PRKD1: variants seen among roughly 807,000 people sequenced by gnomAD.
The protein encoded by PRKD1 is protein kinase D1.
Under a neutral mutation model 95.9 loss-of-function variants are expected in PRKD1, and 63 were observed. The ratio of observed to expected loss-of-function variants is 0.66; its 90% confidence interval spans 0.54 to 0.81. The LOEUF is 0.81. Ranked by LOEUF, PRKD1 falls within the 30% of genes least tolerant of loss-of-function variation. The pLI is 0.00. For missense variants in PRKD1, 1,048 were observed against 1,165.3 expected (o/e 0.90, Z 1.47); for synonymous variants, 425 against 423.1 (o/e 1.00, Z -0.05).
At chr14:29,578,053 T>C (rs956779241) in intron 17 of PRKD1, among the ~76,000 whole-genome samples, 2 of 152,068 alleles carry the variant, frequency 1.3e-5, no homozygotes, top group Admixed American at 6.6e-5. Flanking sequence ...TGTGTGTGTA[T>C]ATGCGTGCGT....
chr14:29,675,773 T>G (rs1296381771), intron 2 of PRKD1, among the ~76,000 whole-genome samples: 1 of 151,880 alleles, frequency 6.6e-6, no homozygotes, highest in Admixed American at 6.6e-5. Context: ...ATGTGGCACA[T>G]ATACACCATG....
rs575018038 is a variant in PRKD1, at chr14:29,908,395, G to A, written c.264+18854C>T. Among the ~76,000 whole-genome samples, 9 of 152,266 alleles carry A rather than the reference G, an allele frequency of 5.9e-5. No homozygotes were observed. In the East Asian group the frequency reaches 1.7e-3, roughly 29 times the overall value. On this transcript the variant is annotated intron_variant, in intron 1 of 17. Transcript: ENST00000331968. ...CGCGACCTCCACCTCCCAGGTTCAA[G>A]AGATTCTTCTGCCTCAGCCTCCCAA...
intron 1 of PRKD1, among the ~76,000 whole-genome samples, chr14:29,744,929 G>A (rs1462826030): frequency 6.6e-6 from 1 of 152,120 alleles, no homozygotes; most frequent in Non-Finnish European, 1.5e-5. Context: ...AAGTCAACCA[G>A]AGCTCATAGG....
intron 1 of PRKD1, 51 bp downstream of exon 1, chr14:29,927,198 G>C: frequency 1.4e-6 from 2 of 1,431,558 alleles, no homozygotes; most frequent in Non-Finnish European, 1.8e-6. Context: ...GCCGGGCAGC[G>C]CCCCCTGCGC....
At chr14:29,716,839 A>C (rs922072141) in intron 2 of PRKD1, among the ~76,000 whole-genome samples, 3 of 152,188 alleles carry the variant, frequency 2.0e-5, no homozygotes, top group South Asian at 2.1e-4. Context: ...GAATCATAGA[A>C]ATTAGGAAAA....
chr14:29,646,466 T>C (rs1315163524), intron 4 of PRKD1, among the ~76,000 whole-genome samples: 1 of 152,126 alleles, frequency 6.6e-6, no homozygotes, highest in Non-Finnish European at 1.5e-5. Context: ...TATTAAATAC[T>C]GCATGCCTGT....
chr14:29,888,268 G>C (rs1417146161), intron 1 of PRKD1, among the ~76,000 whole-genome samples: 2 of 151,786 alleles, frequency 1.3e-5, no homozygotes, highest in Admixed American at 1.3e-4. Context: ...CTCCAGCCTG[G>C]GTGACAGAGC....
chr14:29,754,277 T>A (rs1384345766), intron 1 of PRKD1, among the ~76,000 whole-genome samples: 1 of 152,206 alleles, frequency 6.6e-6, no homozygotes, highest in African/African-American at 2.4e-5. Context: ...TCCATCCATT[T>A]AATCACATGC....
chr14:29,833,631 C>T (rs1008753017), intron 1 of PRKD1, among the ~76,000 whole-genome samples: 4 of 152,104 alleles, frequency 2.6e-5, no homozygotes, highest in Admixed American at 6.5e-5. Context: ...AATTGAACAG[C>T]CTTTCCTTTC....
chr14:29,774,855 T>C (rs983304028), intron 1 of PRKD1, among the ~76,000 whole-genome samples: 1 of 152,160 alleles, frequency 6.6e-6, no homozygotes, highest in African/African-American at 2.4e-5. Context: ...GTGATTTGCA[T>C]TCTTCCACAG....
intron 2 of PRKD1, among the ~76,000 whole-genome samples, chr14:29,706,193 GA>G (rs1885080956): frequency 6.6e-6 from 1 of 152,056 alleles, no homozygotes; most frequent in Non-Finnish European, 1.5e-5. Context: ...TCCTAATGAC[GA>G]ATGATGCTGA....
At chr14:29,800,929 C>A (rs1459233537) in intron 1 of PRKD1, among the ~76,000 whole-genome samples, 1 of 152,120 alleles carries the variant, frequency 6.6e-6, no homozygotes, top group East Asian at 1.9e-4. Context: ...ATGGTATATA[C>A]ATTTTAAACT....
At chr14:29,863,473 T>C (rs1442976631) in intron 1 of PRKD1, among the ~76,000 whole-genome samples, 1 of 152,142 alleles carries the variant, frequency 6.6e-6, no homozygotes, top group Non-Finnish European at 1.5e-5. Flanking sequence ...TCAACTCTAG[T>C]TTTTCCTTTC....
chr14:29,690,914 G>A (rs1320825310), intron 2 of PRKD1, among the ~76,000 whole-genome samples: 4 of 151,852 alleles, frequency 2.6e-5, no homozygotes, highest in African/African-American at 7.3e-5. Context: ...TTTCTCTTCC[G>A]TGTAGATAAA....
Position 29,624,251 on chromosome 14 carries a change from A to G in PRKD1, c.1806T>C (p.His602=), listed in dbSNP as rs761136920. ...GQFGIVYGGK[H]RKTGRDVAIK... ...TAGCTACATCTCTTCCTGTTTTACG[A>G]TGTTTTCCTTTAAAATGAAAAAGGG... Residue 602 remains histidine, a synonymous_variant, in exon 13 of 18, where the codon CAT becomes CAC. Coordinates refer to ENST00000331968, the MANE Select transcript of PRKD1 (RefSeq NM_002742.3). 3 of 1,596,812 alleles carry G rather than the reference A, an allele frequency of 1.9e-6. No homozygotes were observed. Among genetic ancestry groups the G allele is most frequent in the South Asian group, 1.1e-5 (1 of 87,768 alleles).
intron 1 of PRKD1, among the ~76,000 whole-genome samples, chr14:29,891,567 G>T (rs1226321222): frequency 6.6e-6 from 1 of 151,830 alleles, no homozygotes; most frequent in Non-Finnish European, 1.5e-5. Flanking sequence ...TTTTCTGGTG[G>T]CTCTAACTGA....
At chr14:29,623,731 T>C (rs1052625881) in intron 13 of PRKD1, among the ~76,000 whole-genome samples, 26 of 152,178 alleles carry the variant, frequency 1.7e-4, no homozygotes, top group African/African-American at 5.3e-4. Context: ...ATTAATAAAA[T>C]CAACATGATC....
rs45616739 is a variant in PRKD1 at position 29,868,862 on chromosome 14, A to G, written c.264+58387T>C. On this transcript the variant is annotated intron_variant, in intron 1 of 17. Coordinates refer to ENST00000331968, the MANE Select transcript of PRKD1 (RefSeq NM_002742.3). ...AACATGCATTCTACTTACTGAGGCC[A>G]ATCGATACGGACACAAGTGCAAGGC... is the stretch of plus-strand genomic sequence containing the variant. 6.8e-3 allele frequency among the ~76,000 whole-genome samples: 1,033 copies of G among 152,340 alleles called. 6 individuals are homozygous for G. The highest frequency in any genetic ancestry group is 0.01 in the Non-Finnish European group (705 of 68,032).
At chr14:29,807,975 G>A (rs904557661) in intron 1 of PRKD1, among the ~76,000 whole-genome samples, 1 of 152,010 alleles carries the variant, frequency 6.6e-6, no homozygotes, top group Non-Finnish European at 1.5e-5. Flanking sequence ...GCCCGCCTTG[G>A]CCTCCCAACC....
Sources: gnomAD v4.1 joint callset for allele counts (sites outside exome capture counted in the v4.1 genomes callset) on GRCh38, gnomAD v4.1.1 for gene constraint, MANE v1.5 for transcripts, NCBI Gene and HGNC (gene_info 2026-07-23, HGNC 2026-07-21) for gene names.